ATP1B3: variants seen among roughly 807,000 people sequenced by gnomAD.
ATP1B3 encodes the protein ATPase Na+/K+ transporting subunit beta 3.
ATP1B3 carries 10 observed loss-of-function variants against 30.2 expected under a neutral mutation model. The ratio of observed to expected loss-of-function variants is 0.33; its 90% confidence interval spans 0.20 to 0.56. ATP1B3 has a LOEUF of 0.56. Ranked by LOEUF, ATP1B3 falls within the 20% of genes least tolerant of loss-of-function variation. ATP1B3 has a pLI of 0.90. For missense variants in ATP1B3, 238 were observed against 336.7 expected (o/e 0.71, Z 2.29); for synonymous variants, 113 against 117.0 (o/e 0.97, Z 0.22).
rs147696264 is a variant in ATP1B3, at chr3:141,895,747, T to C, written c.110-7873T>C. Among the ~76,000 whole-genome samples the C allele has an allele frequency of 3.9e-3, 601 of 152,356 alleles. 3 individuals are homozygous for C. Among genetic ancestry groups the C allele is most frequent in the African/African-American group, 0.014 (580 of 41,592 alleles). ...GAAGTAGATTGGCTGGATCTTTTGG[T>C]AGGTGTGCATGTTGCTAACTTTTCA... On this transcript the variant is annotated intron_variant, in intron 1 of 6. Coordinates refer to ENST00000286371, the MANE Select transcript of ATP1B3 (RefSeq NM_001679.4).
intron 1 of ATP1B3, among the ~76,000 whole-genome samples, chr3:141,899,889 AGT>A (rs1180260025): frequency 3.3e-5 from 5 of 152,002 alleles, no homozygotes; most frequent in African/African-American, 4.8e-5. Context: ...GTGTCAGTTG[AGT>A]GTGGTGGCAC....
At position 141,925,693 on chromosome 3, in the gene ATP1B3, C is replaced by T. The variant is rs776768417; in HGVS notation, c.832C>T (p.Arg278Cys). 8.1e-6 allele frequency: 13 copies of T among 1,610,644 alleles called. No individual in the cohort carries two copies. The highest frequency in any genetic ancestry group is 5.0e-5 in the Admixed American group (3 of 59,866). ...LGRVMFKITA[R>C]A ...ACGAGTTATGTTCAAAATCACAGCA[C>T]GTGCATAGTATGAGTAGGATATCTC... Residue 278 changes from arginine (R) to cysteine (C), a missense_variant, in exon 7 of 7, where the codon CGT becomes TGT. By Grantham distance (180) the Arg-to-Cys change is radical. Around this residue, in one of 3 missense-constraint regions of ATP1B3, gnomAD observed 50 missense variants for 62.3 expected, o/e 0.80. Transcript: ENST00000286371.
At chr3:141,916,403 A>G (rs569415986) in intron 5 of ATP1B3, 5 of 497,594 alleles carry the variant, frequency 1.0e-5, no homozygotes, top group East Asian at 1.4e-4. Context: ...CATCAGTGCT[A>G]TCTGAGATTT....
At chr3:141,878,730 C>G (rs1342025003) in intron 1 of ATP1B3, among the ~76,000 whole-genome samples, 2 of 152,224 alleles carry the variant, frequency 1.3e-5, no homozygotes, top group Non-Finnish European at 2.9e-5. Flanking sequence ...AGGATTAAGT[C>G]AATCTCTTCA....
At chr3:141,920,657 A>G (rs1934550318) in intron 5 of ATP1B3, among the ~76,000 whole-genome samples, 5 of 152,228 alleles carry the variant, frequency 3.3e-5, no homozygotes, top group Admixed American at 3.3e-4. Flanking sequence ...AATAGGTTCA[A>G]CAAAAGCAAT....
At chr3:141,925,418 C>A in intron 6 of ATP1B3, 113 bp from the exon 7 acceptor site, 1 of 1,137,690 alleles carries the variant, frequency 8.8e-7, no homozygotes, top group Non-Finnish European at 1.2e-6. Flanking sequence ...CACTGCACTG[C>A]AGCCTGGGCA....
chr3:141,897,709 T>C (rs74766327), intron 1 of ATP1B3, among the ~76,000 whole-genome samples: 16,385 of 152,250 alleles, frequency 0.11, 1,085 homozygotes, highest in Middle Eastern at 0.16. Context: ...GTTTTTGTTT[T>C]TGTTTTTTGT....
intron 1 of ATP1B3, among the ~76,000 whole-genome samples, chr3:141,892,685 G>A (rs1371649704): frequency 1.4e-5 from 2 of 141,442 alleles, no homozygotes; most frequent in East Asian, 2.1e-4. Context: ...AACAGTTATC[G>A]AATATAGACA....
chr3:141,877,156 T>C (rs1478349592), intron 1 of ATP1B3, among the ~76,000 whole-genome samples: 1 of 150,190 alleles, frequency 6.7e-6, no homozygotes, highest in Non-Finnish European at 1.5e-5. Flanking sequence ...CGCTGGTTCC[T>C]CCCTCCCTGC....
At chr3:141,890,098 T>C (rs201274877) in intron 1 of ATP1B3, among the ~76,000 whole-genome samples, 2 of 140,698 alleles carry the variant, frequency 1.4e-5, no homozygotes, top group Admixed American at 7.1e-5. Flanking sequence ...TTTTTTTTTT[T>C]TTTTTTTTTT....
Position 141,917,342 on chromosome 3 carries a change from C to T in ATP1B3, c.582+1322C>T, listed in dbSNP as rs117115692. Among the ~76,000 whole-genome samples the T allele has an allele frequency of 1.5e-3, 221 of 152,144 alleles. 5 individuals are homozygous for T. The East Asian group carries it at 0.029, about 20-fold the overall frequency. ...CTGGGTTGAAATTATATGTGTGTGA[C>T]CACTGGCAATTCACTTTACCTCCTT... On this transcript the variant is annotated intron_variant, in intron 5 of 6. Transcript: ENST00000286371.
chr3:141,916,571 AT>A lies in ATP1B3; in HGVS notation c.582+552del, dbSNP rs1348337886. On this transcript the variant is annotated intron_variant, in intron 5 of 6. Coordinates refer to ENST00000286371, the MANE Select transcript of ATP1B3 (RefSeq NM_001679.4). The stretch of plus-strand genomic sequence containing the variant: ...GCCACTAAGACAAATAATGTAAAAG[AT>A]GGGTAAGAGTTCTGAGGAGACATTA... The A allele has an allele frequency of 4.7e-6, 6 of 1,287,492 alleles. No homozygotes were observed. In the African/African-American group the frequency reaches 7.6e-5, roughly 16 times the overall value. The allele number at this position is 1,287,492 out of a possible 1,614,324, so 79.8% of individuals were successfully genotyped here.
chr3:141,893,564 A>T (rs1452659659), intron 1 of ATP1B3, among the ~76,000 whole-genome samples: 1 of 152,078 alleles, frequency 6.6e-6, no homozygotes, highest in Non-Finnish European at 1.5e-5. Context: ...TCTTTAGCTC[A>T]CTGAATTTTT....
chr3:141,904,369 G>C (rs1025066329), intron 2 of ATP1B3, among the ~76,000 whole-genome samples: 1 of 151,676 alleles, frequency 6.6e-6, no homozygotes, highest in East Asian at 1.9e-4. Context: ...CACGTTTGAA[G>C]AATATAGTTA....
intron 1 of ATP1B3, among the ~76,000 whole-genome samples, chr3:141,893,463 T>G (rs1398579301): frequency 1.3e-5 from 2 of 152,194 alleles, no homozygotes; most frequent in African/African-American, 2.4e-5. Flanking sequence ...CTATTAGATT[T>G]GTTTGTATTT....
chr3:141,877,146 C>G (rs1933616488), intron 1 of ATP1B3, among the ~76,000 whole-genome samples: 1 of 151,150 alleles, frequency 6.6e-6, no homozygotes, highest in African/African-American at 2.4e-5. Context: ...GGCCGGGCCG[C>G]GCTGGTTCCT....
intron 1 of ATP1B3, among the ~76,000 whole-genome samples, chr3:141,901,417 T>C (rs1934161642): frequency 6.6e-6 from 1 of 152,224 alleles, no homozygotes; most frequent in African/African-American, 2.4e-5. Context: ...GTTGATAAAG[T>C]ATATTTATAT....
At chr3:141,884,946 G>C (rs1369603651) in intron 1 of ATP1B3, among the ~76,000 whole-genome samples, 1 of 152,094 alleles carries the variant, frequency 6.6e-6, no homozygotes, top group East Asian at 1.9e-4. Context: ...ATCTCTCTCA[G>C]GTTCCAGGCC....
intron 3 of ATP1B3, among the ~76,000 whole-genome samples, chr3:141,909,080 T>G (rs1482551381): frequency 6.6e-6 from 1 of 152,218 alleles, no homozygotes; most frequent in African/African-American, 2.4e-5. Context: ...TGAAAAAATC[T>G]TCAACTCTCT....
Sources: allele counts gnomAD v4.1 joint callset (sites outside exome capture counted in the v4.1 genomes callset), GRCh38; gene constraint gnomAD v4.1.1; regional missense constraint gnomAD v4.1.1; transcripts MANE v1.5; gene names NCBI Gene and HGNC (gene_info 2026-07-23, HGNC 2026-07-21).